Variants in LARP1B observed in about 807,000 individuals in gnomAD.
The protein encoded by LARP1B is La ribonucleoprotein 1B.
In LARP1B, 76 loss-of-function variants were observed where a neutral mutation model predicts 114.2. The observed-to-expected ratio is 0.67, with a 90% CI of 0.55 to 0.81. The LOEUF is 0.81. LARP1B is among the 30% of genes least tolerant of loss of function. The pLI, the probability that LARP1B is intolerant of heterozygous loss-of-function variation, is 0.00. For missense variants in LARP1B, 1,014 were observed against 1,075.8 expected (o/e 0.94, Z 0.80); for synonymous variants, 345 against 348.0 (o/e 0.99, Z 0.10).
chr4:128,083,166 A>G (rs1771292773), intron 5 of LARP1B, among the ~76,000 whole-genome samples: 1 of 152,240 alleles, frequency 6.6e-6, no homozygotes, highest in Admixed American at 6.5e-5. Context: ...CCCAAGGCAG[A>G]AGAATTTATC....
At chr4:128,142,800 G>A (rs977848899) in intron 11 of LARP1B, among the ~76,000 whole-genome samples, 2 of 151,994 alleles carry the variant, frequency 1.3e-5, no homozygotes, top group African/African-American at 4.8e-5. Flanking sequence ...GAGCCACTGT[G>A]CCTGGGTTAT....
At chr4:128,080,933 C>G (rs1160405683) in intron 4 of LARP1B, among the ~76,000 whole-genome samples, 2 of 152,008 alleles carry the variant, frequency 1.3e-5, no homozygotes, top group African/African-American at 4.8e-5. Flanking sequence ...GTGCTGCAAA[C>G]CTAAAGCCTA....
intron 1 of LARP1B, among the ~76,000 whole-genome samples, chr4:128,066,165 C>CTTTTTTTTTTTTTTTTTTTTTTTTTTTTT (rs59927866): frequency 3.0e-5 from 3 of 99,188 alleles, no homozygotes; most frequent in Non-Finnish European, 5.6e-5. Flanking sequence ...TTTCTTTCTT[C>CTTTTTTTTTTTTTTTTTTTTTTTTTTTTT]TTTTTTTTTT....
chr4:128,217,121 TA>T (rs1759563966), intron 6 of LARP1B, among the ~76,000 whole-genome samples: 2 of 147,692 alleles, frequency 1.4e-5, no homozygotes, highest in South Asian at 4.4e-4. Context: ...AATAGACCAA[TA>T]ACAGGCTCTG....
At chr4:128,151,113 C>G (rs1732595048) in intron 11 of LARP1B, among the ~76,000 whole-genome samples, 1 of 152,144 alleles carries the variant, frequency 6.6e-6, no homozygotes, top group African/African-American at 2.4e-5. Context: ...TATTGTTCAC[C>G]TAGATTTGGC....
intron 9 of LARP1B, chr4:128,107,693 A>AT: frequency 4.9e-6 from 7 of 1,435,876 alleles, no homozygotes; most frequent in Non-Finnish European, 6.3e-6. Flanking sequence ...TCTTCCTTTA[A>AT]TTTTGTTACC....
intron 16 of LARP1B, among the ~76,000 whole-genome samples, chr4:128,199,846 G>A (rs1755369075): frequency 1.3e-5 from 2 of 152,178 alleles, no homozygotes; most frequent in Non-Finnish European, 2.9e-5. Flanking sequence ...AGCACTTTGG[G>A]AGGCCGAGGC....
chr4:128,083,647 C>T (rs564203830), intron 5 of LARP1B, among the ~76,000 whole-genome samples: 119 of 127,562 alleles, frequency 9.3e-4, no homozygotes, highest in African/African-American at 3.2e-3. Flanking sequence ...CCCTCCCGGA[C>T]GGGGCGGCTG....
At chr4:128,122,293 A>G in intron 11 of LARP1B, 105 bp downstream of exon 11, 1 of 1,520,664 alleles carries the variant, frequency 6.6e-7, no homozygotes, top group Non-Finnish European at 8.8e-7. Context: ...AATGTTGAAT[A>G]TAAATACATT....
intron 15 of LARP1B, among the ~76,000 whole-genome samples, chr4:128,189,464 G>A (rs1373586915): frequency 2.0e-5 from 3 of 148,654 alleles, no homozygotes; most frequent in African/African-American, 7.4e-5. Flanking sequence ...GTTTCTAAAA[G>A]TTTTTCACTC....
intron 8 of LARP1B, among the ~76,000 whole-genome samples, chr4:128,101,100 G>A (rs1249435736): frequency 6.6e-6 from 1 of 150,870 alleles, no homozygotes; most frequent in Non-Finnish European, 1.5e-5. Context: ...TTACAGGAAT[G>A]AGCCACCGCG....
Position 128,062,592 on chromosome 4 carries a change from CTTT to C in LARP1B, c.-78+1207_-78+1209del, listed in dbSNP as rs10659836. ...CTTCGTATGGGAAAGTTTTGGTAGA[CTTT>C]TTTTTTTTTTTTTTTACATAAAAGG... On this transcript the variant is annotated intron_variant, in intron 1 of 19. Transcript: ENST00000326639. Among the ~76,000 whole-genome samples the C allele has an allele frequency of 2.3e-4, 30 of 128,240 alleles. 1 individual carries two copies. In the Middle Eastern group the frequency reaches 0.014, roughly 58 times the overall value. 84.1% of individuals were successfully genotyped at this position (128,240 alleles called of 152,430 possible).
intron 9 of LARP1B, among the ~76,000 whole-genome samples, chr4:128,111,429 G>C (rs1040291410): frequency 1.3e-5 from 2 of 152,128 alleles, no homozygotes; most frequent in African/African-American, 4.8e-5. Context: ...GCCAGGTGCA[G>C]TAGCTCATGC....
intron 4 of LARP1B, 126 bp downstream of exon 4, chr4:128,078,088 T>C: frequency 1.7e-6 from 1 of 601,722 alleles, no homozygotes; most frequent in Non-Finnish European, 2.7e-6. Flanking sequence ...GGATAAACAA[T>C]CTGCAGAGGT....
chr4:128,161,802 T>C (rs182765002), intron 11 of LARP1B, among the ~76,000 whole-genome samples: 12 of 152,294 alleles, frequency 7.9e-5, no homozygotes, highest in East Asian at 3.9e-4. Context: ...TACTACCTAA[T>C]ATTATTTATT....
At chr4:128,142,161 G>A (rs1331274160) in intron 11 of LARP1B, among the ~76,000 whole-genome samples, 1 of 152,214 alleles carries the variant, frequency 6.6e-6, no homozygotes, top group African/African-American at 2.4e-5. Context: ...GGCAAAGCCT[G>A]TTCTTGACCA....
intron 6 of LARP1B, among the ~76,000 whole-genome samples, chr4:128,218,220 CAAGGT>C (rs1759681274): frequency 1.1e-5 from 1 of 91,382 alleles, no homozygotes; most frequent in Non-Finnish European, 2.2e-5. Context: ...CCATACTGCC[CAAGGT>C]AATTTACAGA....
At chr4:128,128,145 A>G (rs931532654) in intron 11 of LARP1B, among the ~76,000 whole-genome samples, 1 of 152,228 alleles carries the variant, frequency 6.6e-6, no homozygotes, top group Non-Finnish European at 1.5e-5. Context: ...AGTTAAATTC[A>G]TAAATTTAAG....
intron 15 of LARP1B, among the ~76,000 whole-genome samples, chr4:128,183,386 C>G (rs1749228968): frequency 1.3e-5 from 2 of 152,192 alleles, no homozygotes; most frequent in Admixed American, 1.3e-4. Flanking sequence ...TATGCTGAAT[C>G]TACTAATCTG....
Sources: allele counts gnomAD v4.1 joint callset (sites outside exome capture counted in the v4.1 genomes callset), GRCh38; gene constraint gnomAD v4.1.1; transcripts MANE v1.5; gene names NCBI Gene and HGNC (gene_info 2026-07-23, HGNC 2026-07-21).